The following GLRA1 variants were observed in gnomAD, a reference collection of about 807,000 sequenced individuals.
GLRA1 encodes the protein glycine receptor subunit alpha-1.
Under a neutral mutation model 48.3 loss-of-function variants are expected in GLRA1, and 37 were observed. That is an observed-to-expected ratio of 0.77 (90% CI 0.59 to 1.01). The LOEUF is 1.01. GLRA1 is among the 50% of genes least tolerant of loss of function. GLRA1 has a pLI of 0.00. For missense variants in GLRA1, 427 were observed against 571.0 expected (o/e 0.75, Z 2.57); for synonymous variants, 196 against 210.7 (o/e 0.93, Z 0.60).
chr5:151,911,195 A>T (rs1412032488), intron 1 of GLRA1, among the ~76,000 whole-genome samples: 2 of 152,062 alleles, frequency 1.3e-5, no homozygotes, highest in East Asian at 3.9e-4. Context: ...CACTCTCCTG[A>T]TACTCTTTGC....
At chr5:151,907,599 A>C (rs754969777) in intron 1 of GLRA1, among the ~76,000 whole-genome samples, 1 of 152,246 alleles carries the variant, frequency 6.6e-6, no homozygotes, top group Non-Finnish European at 1.5e-5. Flanking sequence ...GGGTTTGAGG[A>C]GCCCACTATA....
chr5:151,878,875 T>A (rs542035677), intron 3 of GLRA1, among the ~76,000 whole-genome samples: 1 of 152,278 alleles, frequency 6.6e-6, no homozygotes, highest in South Asian at 2.1e-4. Context: ...ATGGAGAACC[T>A]CTGCTAGGGC....
chr5:151,828,839 CAA>C lies in GLRA1; in HGVS notation c.1059+80_1059+81del, dbSNP rs1194635747. On this transcript the variant is annotated intron_variant, in intron 8 of 8. Coordinates refer to ENST00000274576, the MANE Select transcript of GLRA1 (RefSeq NM_000171.4). ...CATTGAGAAGGATGGACCATTGAAACAAATAACACAAGACAATACTGCTTAGA... is the reference window on the plus strand; with the variant it reads ...CATTGAGAAGGATGGACCATTGAAACATAACACAAGACAATACTGCTTAGA... 65 of 1,396,538 alleles carry C rather than the reference CAA, an allele frequency of 4.7e-5. No homozygotes were observed. The South Asian group carries it at 8.3e-4, about 18-fold the overall frequency. The allele number at this position is 1,396,538 out of a possible 1,614,324, so 86.5% of individuals were successfully genotyped here.
At chr5:151,898,231 A>G (rs1345929705) in intron 1 of GLRA1, among the ~76,000 whole-genome samples, 1 of 148,484 alleles carries the variant, frequency 6.7e-6, no homozygotes, top group Non-Finnish European at 1.5e-5. Context: ...TTTTTCATAC[A>G]CTGGTCTCGG....
intron 7 of GLRA1, among the ~76,000 whole-genome samples, chr5:151,834,453 A>G (rs889789506): frequency 6.6e-6 from 1 of 152,202 alleles, no homozygotes; most frequent in Non-Finnish European, 1.5e-5. Flanking sequence ...ACATACCAGA[A>G]TCTCTGGGAC....
intron 1 of GLRA1, among the ~76,000 whole-genome samples, chr5:151,898,337 C>A (rs1270464534): frequency 6.6e-6 from 1 of 152,028 alleles, no homozygotes; most frequent in African/African-American, 2.4e-5. Context: ...AGGGGCCAAC[C>A]TGTTTCTCAA....
chr5:151,874,989 A>G (rs1055811690), intron 3 of GLRA1, among the ~76,000 whole-genome samples: 10 of 152,110 alleles, frequency 6.6e-5, no homozygotes, highest in African/African-American at 2.4e-4. Flanking sequence ...GAGAGAGATT[A>G]TGCCAATTTT....
At chr5:151,883,228 A>G (rs755311049) in intron 3 of GLRA1, among the ~76,000 whole-genome samples, 7 of 152,146 alleles carry the variant, frequency 4.6e-5, no homozygotes, top group Non-Finnish European at 5.9e-5. Flanking sequence ...CCAGGAGACC[A>G]TCTCCTCTGG....
intron 8 of GLRA1, among the ~76,000 whole-genome samples, chr5:151,827,029 G>GTTTTTTTTTTTTT (rs199505206): frequency 1.7e-4 from 21 of 126,782 alleles, no homozygotes; most frequent in African/African-American, 5.5e-4. Context: ...CTTTCTTTCT[G>GTTTTTTTTTTTTT]TTTTTTTTTT....
intron 1 of GLRA1, among the ~76,000 whole-genome samples, chr5:151,894,265 C>T (rs1219355774): frequency 6.6e-6 from 1 of 152,160 alleles, no homozygotes; most frequent in Non-Finnish European, 1.5e-5. Context: ...CTTTTCTGGT[C>T]TCATCAGTTG....
Position 151,881,188 on chromosome 5 carries a change from C to G in GLRA1, c.252+5533G>C, listed in dbSNP as rs77863144. On this transcript the variant is annotated intron_variant, in intron 3 of 8. Transcript: ENST00000274576. ...ATCCATAGATGCTCCAGTGCACACA[C>G]TTACACACATTTGTCCAGACAAGCT... Among the ~76,000 whole-genome samples the G allele has an allele frequency of 8.4e-3, 1,275 of 152,324 alleles. 29 individuals carry two copies. Among genetic ancestry groups the G allele is most frequent in the African/African-American group, 0.028 (1,171 of 41,566 alleles).
chr5:151,871,717 C>T (rs180846090), intron 3 of GLRA1, among the ~76,000 whole-genome samples: 2,704 of 149,340 alleles, frequency 0.018, 172 homozygotes, highest in African/African-American at 0.031. Context: ...CCCGCCACCA[C>T]GCCCGGCTAA....
intron 3 of GLRA1, among the ~76,000 whole-genome samples, chr5:151,860,929 A>C (rs1753181963): frequency 6.6e-6 from 1 of 151,952 alleles, no homozygotes; most frequent in Admixed American, 6.5e-5. Flanking sequence ...TTCTGTGTCC[A>C]AGTGTTCTCA....
At chr5:151,882,516 G>A (rs1420244904) in intron 3 of GLRA1, among the ~76,000 whole-genome samples, 1 of 152,228 alleles carries the variant, frequency 6.6e-6, no homozygotes, top group Non-Finnish European at 1.5e-5. Context: ...GCTTGAATGG[G>A]AGAGTCGTCC....
In GLRA1 at chr5:151,924,796, C is replaced by G. The variant is rs992990740; in HGVS notation, c.-247G>C. The G allele has an allele frequency of 1.7e-6, 1 of 588,082 alleles. No individual in the cohort carries two copies. The highest frequency in any genetic ancestry group is 2.0e-5 in the South Asian group (1 of 50,972). 36.4% of individuals were successfully genotyped at this position (588,082 alleles called of 1,614,324 possible). ...CGTCCAGACCTGCTTTTCAGGAGCGCGAAGAGTATTGCTGTTTGTTAAACT... is the reference window on the plus strand; with the variant it reads ...CGTCCAGACCTGCTTTTCAGGAGCGGGAAGAGTATTGCTGTTTGTTAAACT... On this transcript the variant is annotated 5_prime_UTR_variant, in exon 1 of 9. Transcript: ENST00000274576.
chr5:151,886,611 A>G, intron 3 of GLRA1, 110 bp downstream of exon 3: 3 of 847,604 alleles, frequency 3.5e-6, no homozygotes, highest in Admixed American at 1.8e-5. Flanking sequence ...AGACTTGAGA[A>G]AAACCCAGCT....
chr5:151,886,714 TACTC>T lies in GLRA1; in HGVS notation c.252+3_252+6del. On this transcript the variant is annotated splice_donor_5th_base_variant and intron_variant, in intron 3 of 8. Coordinates refer to ENST00000274576, the MANE Select transcript of GLRA1 (RefSeq NM_000171.4). Reference sequence around the variant, plus strand: ...GGAACTAACAGCTTGTGTTTTGACTTACTCACCATGGTTGTCTCAGCAATGGAAC... The same window carrying T: ...GGAACTAACAGCTTGTGTTTTGACTTACCATGGTTGTCTCAGCAATGGAAC... 6.3e-7 allele frequency: 1 copy of T among 1,597,350 alleles called. No individual in the cohort carries two copies. The highest frequency in any genetic ancestry group is 8.6e-7 in the Non-Finnish European group (1 of 1,164,696).
chr5:151,923,233 A>G (rs1452319368), intron 1 of GLRA1, among the ~76,000 whole-genome samples: 1 of 152,246 alleles, frequency 6.6e-6, no homozygotes, highest in Non-Finnish European at 1.5e-5. Flanking sequence ...AGACATGAAA[A>G]GAGACTGAAA....
intron 1 of GLRA1, among the ~76,000 whole-genome samples, chr5:151,899,794 A>C (rs911857803): frequency 1.3e-5 from 2 of 152,098 alleles, no homozygotes; most frequent in Non-Finnish European, 2.9e-5. Flanking sequence ...ACAGAATGTC[A>C]CAGTTGGCAT....
Sources: gnomAD v4.1 joint callset for allele counts (sites outside exome capture counted in the v4.1 genomes callset) on GRCh38, gnomAD v4.1.1 for gene constraint, MANE v1.5 for transcripts, NCBI Gene and HGNC (gene_info 2026-07-23, HGNC 2026-07-21) for gene names.